FAM135B: variants seen among roughly 807,000 people sequenced by gnomAD.
FAM135B encodes the protein family with sequence similarity 135 member B.
A neutral mutation model predicts 127.7 loss-of-function variants in FAM135B; 43 were observed. That is an observed-to-expected ratio of 0.34 (90% CI 0.26 to 0.43). The LOEUF is 0.43. FAM135B is among the 20% of genes least tolerant of loss of function. The pLI is 1.00. For missense variants in FAM135B, 1,558 were observed against 1,725.6 expected, an observed-to-expected ratio of 0.90 and a Z score of 1.72; for synonymous variants, 670 against 665.1, an observed-to-expected ratio of 1.01 and a Z score of -0.11.
intron 7 of FAM135B, among the ~76,000 whole-genome samples, chr8:138,214,104 C>T (rs765613577): frequency 2.6e-5 from 4 of 152,072 alleles, no homozygotes; most frequent in African/African-American, 9.7e-5. Flanking sequence ...TATGCCTTCA[C>T]GTTACCAAAT....
intron 3 of FAM135B, among the ~76,000 whole-genome samples, chr8:138,282,276 T>TA (rs1441840445): frequency 2.2e-4 from 33 of 152,314 alleles, no homozygotes; most frequent in Middle Eastern, 3.4e-3. Context: ...AATGAGTTTT[T>TA]AGTTATGACA....
At chr8:138,407,884 C>T (rs7831173) in intron 1 of FAM135B, among the ~76,000 whole-genome samples, 58,523 of 151,764 alleles carry the variant, frequency 0.39, 11,816 homozygotes, top group African/African-American at 0.52. Flanking sequence ...AAAGCAATGG[C>T]AACAAAAGCC....
rs756675839 is a variant in FAM135B, at chr8:138,152,233, T to C, written c.2242A>G (p.Thr748Ala). ...TCAAAAGGTAAAGAGCTAATGGAGG[T>C]GAGAGAAGCCTGGATGCCGCTTGGC... is the stretch of plus-strand genomic sequence containing the variant. ...SLPSGIQASL[T>A]SISSLPFEED... The change falls in exon 13 of 20, where the codon ACC becomes GCC. Residue 748 changes from threonine to alanine, a missense_variant. Physicochemically the swap from Thr to Ala is moderately conservative, Grantham distance 58. Transcript: ENST00000395297. The C allele has an allele frequency of 2.5e-6, 4 of 1,613,946 alleles. No individual in the cohort carries two copies. Among genetic ancestry groups the C allele is most frequent in the Non-Finnish European group, 3.4e-6 (4 of 1,180,036 alleles).
intron 7 of FAM135B, among the ~76,000 whole-genome samples, chr8:138,210,194 G>A (rs866704425): frequency 6.6e-6 from 1 of 152,082 alleles, no homozygotes. Context: ...AAGTTACAGC[G>A]GTTCACTATG....
intron 3 of FAM135B, among the ~76,000 whole-genome samples, chr8:138,306,394 C>T (rs1272686380): frequency 1.6e-5 from 1 of 64,220 alleles, no homozygotes; most frequent in Admixed American, 1.7e-4. Context: ...GAGATTGCAC[C>T]ACTACACTCC....
intron 1 of FAM135B, among the ~76,000 whole-genome samples, chr8:138,397,723 T>C (rs1383557048): frequency 6.6e-6 from 1 of 152,194 alleles, no homozygotes; most frequent in Non-Finnish European, 1.5e-5. Context: ...ATTAAGCCTC[T>C]TTCTCCCATG....
chr8:138,269,156 TC>T (rs926075313), intron 3 of FAM135B, among the ~76,000 whole-genome samples: 15 of 152,230 alleles, frequency 9.9e-5, no homozygotes, highest in Admixed American at 4.6e-4. Context: ...TTTCTTCTTC[TC>T]CCCCCACAAA....
At chr8:138,266,777 T>C (rs1342424702) in intron 3 of FAM135B, among the ~76,000 whole-genome samples, 4 of 7,454 alleles carry the variant, frequency 5.4e-4, no homozygotes, top group Non-Finnish European at 1.1e-3. Context: ...TACATATATA[T>C]ACACACACAC....
intron 1 of FAM135B, among the ~76,000 whole-genome samples, chr8:138,442,638 A>C (rs1835870862): frequency 6.6e-6 from 1 of 152,056 alleles, no homozygotes; most frequent in Non-Finnish European, 1.5e-5. Context: ...AACAATCAAA[A>C]ACATTCTGGA....
chr8:138,336,719 T>G (rs972281478), intron 2 of FAM135B, among the ~76,000 whole-genome samples: 6 of 152,106 alleles, frequency 3.9e-5, no homozygotes, highest in African/African-American at 1.2e-4. Context: ...ATTATTACAA[T>G]TAATAGAAAA....
At chr8:138,307,806 A>G (rs1301921411) in intron 3 of FAM135B, among the ~76,000 whole-genome samples, 2 of 151,932 alleles carry the variant, frequency 1.3e-5, no homozygotes, top group Non-Finnish European at 2.9e-5. Context: ...CAACAAGATC[A>G]TTCAAATACT....
At chr8:138,426,176 C>T (rs541521908) in intron 1 of FAM135B, among the ~76,000 whole-genome samples, 1 of 148,372 alleles carries the variant, frequency 6.7e-6, no homozygotes, top group South Asian at 2.1e-4. Context: ...CCAGAAAAAA[C>T]TCTAAGCCTC....
chr8:138,412,332 T>A (rs1402932354), intron 1 of FAM135B, among the ~76,000 whole-genome samples: 1 of 152,224 alleles, frequency 6.6e-6, no homozygotes, highest in Non-Finnish European at 1.5e-5. Flanking sequence ...AGGCAGATAA[T>A]CCAGCTAAGT....
chr8:138,204,776 G>A (rs1586765447), intron 7 of FAM135B, among the ~76,000 whole-genome samples: 1 of 152,130 alleles, frequency 6.6e-6, no homozygotes. Flanking sequence ...AACTTTGCCT[G>A]GGATAAACAC....
At chr8:138,268,017 C>A (rs1823078649) in intron 3 of FAM135B, among the ~76,000 whole-genome samples, 1 of 152,098 alleles carries the variant, frequency 6.6e-6, no homozygotes, top group South Asian at 2.1e-4. Flanking sequence ...GGGTGAATAC[C>A]CTGAAGGTCA....
intron 12 of FAM135B, among the ~76,000 whole-genome samples, chr8:138,156,447 G>A (rs530497540): frequency 9.2e-5 from 14 of 152,236 alleles, no homozygotes; most frequent in African/African-American, 3.1e-4. Flanking sequence ...AGTAAGATCA[G>A]AGCAGAACTG....
intron 2 of FAM135B, among the ~76,000 whole-genome samples, chr8:138,320,041 T>G (rs927809608): frequency 6.6e-6 from 1 of 152,132 alleles, no homozygotes; most frequent in Admixed American, 6.5e-5. Context: ...AACAGACTCT[T>G]CTACTGCATG....
At chr8:138,286,746 C>T (rs929417635) in intron 3 of FAM135B, among the ~76,000 whole-genome samples, 2 of 152,184 alleles carry the variant, frequency 1.3e-5, no homozygotes, top group Non-Finnish European at 2.9e-5. Context: ...TGAAACATGT[C>T]CAATTACAAA....
intron 1 of FAM135B, among the ~76,000 whole-genome samples, chr8:138,390,538 G>C (rs1157183217): frequency 6.6e-6 from 1 of 152,068 alleles, no homozygotes; most frequent in South Asian, 2.1e-4. Context: ...CATGAAAAGG[G>C]ACTAATATAG....
Sources: allele counts gnomAD v4.1 joint callset (sites outside exome capture counted in the v4.1 genomes callset), GRCh38; gene constraint gnomAD v4.1.1; transcripts MANE v1.5; gene names NCBI Gene and HGNC (gene_info 2026-07-23, HGNC 2026-07-21).